The following NUBPL variants were observed in gnomAD, a reference collection of about 807,000 sequenced individuals.
NUBPL encodes the protein NUBP iron-sulfur cluster assembly factor, mitochondrial.
A neutral mutation model predicts 45.7 loss-of-function variants in NUBPL; 31 were observed. The ratio of observed to expected loss-of-function variants is 0.68; its 90% CI spans 0.51 to 0.92. The LOEUF is 0.92. Ranked by LOEUF, NUBPL falls within the 40% of genes least tolerant of loss-of-function variation. NUBPL has a pLI of 0.00. For missense variants in NUBPL, 401 were observed against 398.7 expected (o/e 1.01, Z -0.05); for synonymous variants, 144 against 140.9 (o/e 1.02, Z -0.15).
At chr14:31,826,789 T>C (rs1291708587) in intron 8 of NUBPL, 75 bp downstream of exon 8, 4 of 1,389,090 alleles carry the variant, frequency 2.9e-6, no homozygotes, top group Non-Finnish European at 4.1e-6. Flanking sequence ...AAAAATACAG[T>C]TGAAGTTTTA....
intron 6 of NUBPL, among the ~76,000 whole-genome samples, chr14:31,734,514 A>T (rs1033230920): frequency 1.3e-5 from 2 of 152,168 alleles, no homozygotes; most frequent in Non-Finnish European, 2.9e-5. Context: ...TTCTCAAAAA[A>T]ATTTTTTCTT....
At chr14:31,633,329 G>T (rs8006654) in intron 4 of NUBPL, among the ~76,000 whole-genome samples, 3 of 152,064 alleles carry the variant, frequency 2.0e-5, no homozygotes, top group Non-Finnish European at 4.4e-5. Flanking sequence ...AACATATAAC[G>T]TATTCTAAAA....
intron 4 of NUBPL, among the ~76,000 whole-genome samples, chr14:31,600,615 G>A (rs1268434165): frequency 1.3e-5 from 2 of 152,324 alleles, no homozygotes; most frequent in Non-Finnish European, 2.9e-5. Context: ...CTGCTGTATA[G>A]TGATTCAGAA....
intron 6 of NUBPL, among the ~76,000 whole-genome samples, chr14:31,739,643 A>G (rs936598624): frequency 2.6e-5 from 4 of 152,110 alleles, no homozygotes; most frequent in African/African-American, 9.7e-5. Flanking sequence ...GTTATACTTG[A>G]TGAACCTACA....
chr14:31,836,968 C>G (rs528102155), intron 8 of NUBPL, among the ~76,000 whole-genome samples: 33 of 152,236 alleles, frequency 2.2e-4, no homozygotes, highest in Admixed American at 5.9e-4. Context: ...TCACATTTGG[C>G]TGATGTAATT....
chr14:31,709,951 G>A (rs1170765670), intron 6 of NUBPL, among the ~76,000 whole-genome samples: 1 of 152,172 alleles, frequency 6.6e-6, no homozygotes, highest in Admixed American at 6.5e-5. Context: ...GGCAAGCTTT[G>A]CATAGTTGTG....
rs541943656 is a variant in NUBPL, at chr14:31,645,287, C to T, written c.383-28068C>T. On this transcript the variant is annotated intron_variant, in intron 4 of 10. Coordinates refer to ENST00000281081, the MANE Select transcript of NUBPL (RefSeq NM_025152.3). ...TTCACTGTGTTAGCCAGGATGGTCT[C>T]GATCTCCTGACCTCGTGATCCGCCC... is the stretch of plus-strand genomic sequence containing the variant. 4.6e-4 allele frequency among the ~76,000 whole-genome samples: 70 copies of T among 152,104 alleles called. 2 individuals are homozygous for T. Among genetic ancestry groups the T allele is most frequent in the Admixed American group, 3.9e-3 (59 of 15,278 alleles).
intron 8 of NUBPL, among the ~76,000 whole-genome samples, chr14:31,835,656 A>G (rs928414864): frequency 4.6e-5 from 7 of 152,160 alleles, no homozygotes; most frequent in African/African-American, 1.4e-4. Context: ...TGGACCCACA[A>G]CTATTTAGTT....
At chr14:31,754,686 C>G (rs550974638) in intron 6 of NUBPL, among the ~76,000 whole-genome samples, 1 of 133,476 alleles carries the variant, frequency 7.5e-6, no homozygotes, top group East Asian at 2.1e-4. Context: ...GCTGGCTAAG[C>G]AAAAAAAAAA....
intron 4 of NUBPL, among the ~76,000 whole-genome samples, chr14:31,665,280 G>A (rs1350264883): frequency 1.3e-5 from 2 of 151,958 alleles, no homozygotes; most frequent in African/African-American, 4.8e-5. Flanking sequence ...GAATTTGTTT[G>A]CTCTTGCTTC....
At chr14:31,698,257 T>G (rs1166589901) in intron 6 of NUBPL, among the ~76,000 whole-genome samples, 1 of 152,186 alleles carries the variant, frequency 6.6e-6, no homozygotes, top group Non-Finnish European at 1.5e-5. Flanking sequence ...TGACGAGATA[T>G]AGTCAATGTT....
At chr14:31,709,139 C>T (rs1006946869) in intron 6 of NUBPL, among the ~76,000 whole-genome samples, 7 of 152,114 alleles carry the variant, frequency 4.6e-5, no homozygotes, top group African/African-American at 1.7e-4. Context: ...TTGTTTAGGG[C>T]CCAGGGCTTG....
At chr14:31,739,212 ATTATAT>A in intron 6 of NUBPL, among the ~76,000 whole-genome samples, 1 of 94,740 alleles carries the variant, frequency 1.1e-5, no homozygotes. Context: ...CTATATATAT[ATTATAT>A]TATATATATA....
At chr14:31,761,842 G>A (rs970507839) in intron 6 of NUBPL, among the ~76,000 whole-genome samples, 1 of 152,000 alleles carries the variant, frequency 6.6e-6, no homozygotes, top group Admixed American at 6.6e-5. Flanking sequence ...CACTGATTTT[G>A]GATATATAGT....
chr14:31,571,988 A>C (rs889134533), intron 3 of NUBPL, among the ~76,000 whole-genome samples: 1 of 152,090 alleles, frequency 6.6e-6, no homozygotes, highest in Non-Finnish European at 1.5e-5. Flanking sequence ...TGTGATCCCC[A>C]CTGTAGTTGA....
intron 10 of NUBPL, among the ~76,000 whole-genome samples, chr14:31,855,447 A>G (rs896237905): frequency 6.6e-6 from 1 of 152,212 alleles, no homozygotes; most frequent in East Asian, 1.9e-4. Flanking sequence ...AGTTGGACCC[A>G]GGTTTGAAGG....
intron 8 of NUBPL, among the ~76,000 whole-genome samples, chr14:31,841,937 T>TTG (rs2040381187): frequency 1.5e-5 from 2 of 129,454 alleles, no homozygotes; most frequent in Non-Finnish European, 3.3e-5. Context: ...TTTTTTTTTT[T>TTG]TTTTTTTTTT....
chr14:31,789,105 T>C (rs780208297), intron 7 of NUBPL, among the ~76,000 whole-genome samples: 4 of 152,142 alleles, frequency 2.6e-5, no homozygotes, highest in South Asian at 2.1e-4. Context: ...GGTGGGTGGA[T>C]CATGAGGTCA....
At chr14:31,684,760 A>G (rs1169340358) in intron 6 of NUBPL, among the ~76,000 whole-genome samples, 1 of 152,178 alleles carries the variant, frequency 6.6e-6, no homozygotes, top group Non-Finnish European at 1.5e-5. Flanking sequence ...ATAATGATGC[A>G]TCTTATAATT....
Sources: allele counts gnomAD v4.1 joint callset (sites outside exome capture counted in the v4.1 genomes callset), GRCh38; gene constraint gnomAD v4.1.1; transcripts MANE v1.5; gene names NCBI Gene and HGNC (gene_info 2026-07-23, HGNC 2026-07-21).